ZEB2: variants seen among roughly 807,000 people sequenced by gnomAD.
The protein encoded by ZEB2 is zinc finger E-box binding homeobox 2, also known as zinc finger E-box-binding homeobox 2.
In ZEB2, 6 loss-of-function variants were observed where a neutral mutation model predicts 99.9. The observed-to-expected ratio is 0.06, with a 90% CI of 0.03 to 0.12. ZEB2 has a LOEUF of 0.12. ZEB2 is among the 10% of genes least tolerant of loss of function. The probability of loss-of-function intolerance (pLI) is 1.00; values close to 1 mark genes in which losing one functional copy is unlikely to be tolerated. For synonymous variants in ZEB2, 517 were observed against 542.5 expected (o/e 0.95, Z 0.65); for missense variants, 969 against 1,502.8 (o/e 0.64, Z 5.87).
At chr2:144,422,355 T>C (rs1703629426) in intron 4 of ZEB2, among the ~76,000 whole-genome samples, 1 of 152,204 alleles carries the variant, frequency 6.6e-6, no homozygotes, top group Non-Finnish European at 1.5e-5. Context: ...ATGTCACACT[T>C]TCCCTTCTTG....
At chr2:144,488,854 C>A (rs886791745) in intron 2 of ZEB2, among the ~76,000 whole-genome samples, 1 of 152,176 alleles carries the variant, frequency 6.6e-6, no homozygotes, top group Non-Finnish European at 1.5e-5. Flanking sequence ...GGACTGGTTA[C>A]TTTTAACATA....
chr2:144,506,075 C>G (rs1032958410), intron 2 of ZEB2, among the ~76,000 whole-genome samples: 1 of 152,166 alleles, frequency 6.6e-6, no homozygotes, highest in African/African-American at 2.4e-5. Context: ...CTAAATAATA[C>G]ACTTAAAGCT....
chr2:144,514,140 T>C (rs1705092014), intron 2 of ZEB2: 1 of 273,668 alleles, frequency 3.7e-6, no homozygotes, highest in African/African-American at 2.2e-5. Flanking sequence ...TCTGGAAGGT[T>C]GTATTTCAGA....
intron 2 of ZEB2, chr2:144,496,911 A>G (rs1704769463): frequency 6.6e-6 from 1 of 152,200 alleles, no homozygotes; most frequent in South Asian, 2.1e-4. Context: ...ATGGTTCGCA[A>G]GCTCACCATC....
At chr2:144,403,535 C>T (rs555414050) in intron 6 of ZEB2, among the ~76,000 whole-genome samples, 1 of 151,790 alleles carries the variant, frequency 6.6e-6, no homozygotes, top group South Asian at 2.1e-4. Context: ...GACTTAGATC[C>T]TATATGAAAA....
intron 2 of ZEB2, among the ~76,000 whole-genome samples, chr2:144,501,074 T>TG (rs919173954): frequency 4.0e-4 from 21 of 53,054 alleles, no homozygotes; most frequent in African/African-American, 1.4e-3. Flanking sequence ...AGAAATTGGA[T>TG]GGGGGGGTAG....
chr2:144,410,656 G>T (rs868695712), intron 4 of ZEB2, among the ~76,000 whole-genome samples: 4 of 152,020 alleles, frequency 2.6e-5, no homozygotes, highest in Middle Eastern at 3.4e-3. Context: ...TTTCCCTTTG[G>T]CATTCATTTT....
intron 2 of ZEB2, among the ~76,000 whole-genome samples, chr2:144,452,291 TG>T (rs1379752173): frequency 6.6e-6 from 1 of 152,084 alleles, no homozygotes; most frequent in African/African-American, 2.4e-5. Flanking sequence ...GCCACAAATC[TG>T]TATGATAATT....
chr2:144,480,765 A>G (rs553070961), intron 2 of ZEB2, among the ~76,000 whole-genome samples: 30 of 151,890 alleles, frequency 2.0e-4, no homozygotes, highest in African/African-American at 6.5e-4. Flanking sequence ...AGGCTAATAA[A>G]TGTTCCCAAA....
Position 144,388,038 on chromosome 2 carries a change from C to T in ZEB2, c.*1413G>A, listed in dbSNP as rs1408312978. Reference sequence around the variant, plus strand: ...TTCTTAGTTTGGCTACATTTTTATTCGAGCATGGTCATTTTCAAAAGAAAT... The same window carrying T: ...TTCTTAGTTTGGCTACATTTTTATTTGAGCATGGTCATTTTCAAAAGAAAT... On this transcript the variant is annotated 3_prime_UTR_variant, in exon 10 of 10. Coordinates refer to ENST00000627532, the MANE Select transcript of ZEB2 (RefSeq NM_014795.4). The surrounding 1 kb of genome is among the most constrained non-coding windows in gnomAD (Gnocchi z 5.4). The T allele has an allele frequency of 2.6e-5, 4 of 152,474 alleles. No individual in the cohort carries two copies. The highest frequency in any genetic ancestry group is 2.6e-4 in the Admixed American group (4 of 15,272). The allele number at this position is 152,474 out of a possible 1,614,324, so 9.4% of individuals were successfully genotyped here.
In ZEB2 at chr2:144,384,166, T is replaced by C. The variant is rs1177171813; in HGVS notation, c.*5285A>G. On this transcript the variant is annotated 3_prime_UTR_variant, in exon 10 of 10. Transcript: ENST00000627532. ...TATTAGAATCTTTGTCATATTAATC[T>C]CAAGACCAAATCGGAACAGTAGTGT... 1 of 152,180 alleles carries C rather than the reference T, an allele frequency of 6.6e-6. No homozygotes were observed. Among genetic ancestry groups the C allele is most frequent in the Non-Finnish European group, 1.5e-5 (1 of 68,024 alleles). 9.4% of individuals were successfully genotyped at this position (152,180 alleles called of 1,614,324 possible). A position where few individuals can be genotyped will look rare whatever the true frequency, so the allele number is the denominator to read the frequency against.
chr2:144,520,044 C>T lies in ZEB2; in HGVS notation c.-175G>A, dbSNP rs1337450307. Reference sequence around the variant, plus strand: ...AAGGTGGAAGCGAAGAAACAGCTCCCGGAGCAAACTGTACAAAAACCTCGC... The same window carrying T: ...AAGGTGGAAGCGAAGAAACAGCTCCTGGAGCAAACTGTACAAAAACCTCGC... On this transcript the variant is annotated 5_prime_UTR_variant, in exon 1 of 10. Coordinates refer to ENST00000627532, the MANE Select transcript of ZEB2 (RefSeq NM_014795.4). 6.6e-6 allele frequency: 3 copies of T among 454,368 alleles called. No homozygotes were observed. The Admixed American group carries it at 7.0e-5, about 11-fold the overall frequency. The allele number at this position is 454,368 out of a possible 1,614,324, so 28.1% of individuals were successfully genotyped here.
intron 5 of ZEB2, 112 bp from the exon 6 acceptor site, chr2:144,404,242 C>G: frequency 4.2e-6 from 5 of 1,178,310 alleles, no homozygotes; most frequent in Non-Finnish European, 6.1e-6. Context: ...GCAATCTGCT[C>G]CACAGAGTGC....
In ZEB2 at chr2:144,399,385, C is replaced by G. The variant is rs1188832847; in HGVS notation, c.1802G>C (p.Arg601Pro). The G allele has an allele frequency of 6.2e-7, 1 of 1,614,138 alleles. No homozygotes were observed. The highest frequency in any genetic ancestry group is 8.5e-7 in the Non-Finnish European group (1 of 1,180,006). Reference sequence around the variant, plus strand: ...CTCTTCATTCATCTTACAAAGGTAACGTTCATGCTGATGCAAAGGGATGGG... The same window carrying G: ...CTCTTCATTCATCTTACAAAGGTAAGGTTCATGCTGATGCAAAGGGATGGG... Reference protein sequence around the residue: ...PGPIPLHQHERYLCKMNEEIK... With the variant: ...PGPIPLHQHEPYLCKMNEEIK... Residue 601 changes from arginine to proline, a missense_variant, in exon 8 of 10, where the codon CGT (arginine) becomes CCT (proline). Transcript: ENST00000627532. This position sits in a 1 kb window ranked among gnomAD's most constrained non-coding sequence, Gnocchi z 5.6.
chr2:144,435,788 A>G (rs1403416811), intron 2 of ZEB2, among the ~76,000 whole-genome samples: 1 of 152,060 alleles, frequency 6.6e-6, no homozygotes, highest in Non-Finnish European at 1.5e-5. Context: ...TTTTCTCCTG[A>G]ACCTTAGCCT....
At chr2:144,409,528 A>G (rs1021830438) in intron 4 of ZEB2, among the ~76,000 whole-genome samples, 7 of 152,144 alleles carry the variant, frequency 4.6e-5, no homozygotes, top group African/African-American at 1.7e-4. Flanking sequence ...TTTGCATGGT[A>G]TTTATGATCA....
intron 2 of ZEB2, among the ~76,000 whole-genome samples, chr2:144,471,218 ACTT>A (rs1479186579): frequency 6.6e-6 from 1 of 152,194 alleles, no homozygotes; most frequent in Admixed American, 6.5e-5. Context: ...AACTAGTTAA[ACTT>A]CTACAAACCC....
intron 2 of ZEB2, chr2:144,496,578 A>G (rs1392772445): frequency 2.0e-5 from 3 of 152,176 alleles, no homozygotes; most frequent in African/African-American, 7.2e-5. Context: ...CTTCTAGTCA[A>G]TGATCATTAT....
At chr2:144,465,274 T>C (rs967402920) in intron 2 of ZEB2, among the ~76,000 whole-genome samples, 1 of 152,160 alleles carries the variant, frequency 6.6e-6, no homozygotes, top group South Asian at 2.1e-4. Context: ...TCCCTCATGT[T>C]TGTCTCCTCC....
Sources: allele counts gnomAD v4.1 joint callset (sites outside exome capture counted in the v4.1 genomes callset), GRCh38; gene constraint gnomAD v4.1.1; non-coding constraint Gnocchi (gnomAD v3.1); transcripts MANE v1.5; gene names NCBI Gene and HGNC (gene_info 2026-07-23, HGNC 2026-07-21).